SUMF2: variants seen among roughly 807,000 people sequenced by gnomAD.
SUMF2 encodes the protein sulfatase modifying factor 2.
A neutral mutation model predicts 44.8 loss-of-function variants in SUMF2; 45 were observed. That is an observed-to-expected ratio of 1.00 (90% CI 0.79 to 1.29). SUMF2 has a LOEUF of 1.29. SUMF2 is among the 50% of genes most tolerant of loss of function. The pLI is 0.00. For synonymous variants in SUMF2, 148 were observed against 150.4 expected, an observed-to-expected ratio of 0.98 and a Z score of 0.12; for missense variants, 418 against 389.9, an observed-to-expected ratio of 1.07 and a Z score of -0.61.
intron 2 of SUMF2, among the ~76,000 whole-genome samples, chr7:56,072,273 A>G (rs970244594): frequency 6.6e-6 from 1 of 151,786 alleles, no homozygotes; most frequent in Non-Finnish European, 1.5e-5. Context: ...AAAAAATACA[A>G]AAATTAGCTG....
downstream of SUMF2, chr7:56,084,377 T>C: frequency 1.8e-6 from 1 of 563,962 alleles, no homozygotes; most frequent in Non-Finnish European, 3.1e-6. Context: ...CCGATTTTTT[T>C]TTTTTTTTTT....
intron 2 of SUMF2, among the ~76,000 whole-genome samples, chr7:56,071,868 T>C (rs1043827581): frequency 1.3e-5 from 2 of 151,810 alleles, no homozygotes; most frequent in Non-Finnish European, 2.9e-5. Context: ...TCCCAGCACT[T>C]TGGGAGGCCG....
chr7:56,081,077 A>T (rs779509806), downstream of SUMF2: 7 of 1,610,122 alleles, frequency 4.3e-6, no homozygotes, highest in Non-Finnish European at 4.2e-6. This position sits in a 1 kb window ranked among gnomAD's most constrained non-coding sequence, Gnocchi z 4.6. Flanking sequence ...TCGGCCAGGG[A>T]GAGGAGCACG....
the SUMF2 span, chr7:56,087,094 GTCA>G: frequency 8.5e-7 from 1 of 1,182,476 alleles, no homozygotes; most frequent in Non-Finnish European, 1.3e-6. Context: ...GGGCACGGGG[GTCA>G]GGGACCGAGG....
At chr7:56,070,922 T>C (rs1225262842) in intron 2 of SUMF2, among the ~76,000 whole-genome samples, 1 of 152,192 alleles carries the variant, frequency 6.6e-6, no homozygotes, top group East Asian at 1.9e-4. Context: ...ACATACTGTA[T>C]GATTCAAGTT....
chr7:56,081,059 A>G (rs1209849872), downstream of SUMF2: 1 of 1,612,062 alleles, frequency 6.2e-7, no homozygotes, highest in African/African-American at 1.3e-5. This position sits in a 1 kb window ranked among gnomAD's most constrained non-coding sequence, Gnocchi z 4.6. Flanking sequence ...GCCCCTCAGT[A>G]GTCCTCCTCG....
At chr7:56,073,343 G>T in intron 3 of SUMF2, 1 of 562,704 alleles carries the variant, frequency 1.8e-6, no homozygotes. Flanking sequence ...AGGATCCAAG[G>T]AACTTGAATC....
intron 3 of SUMF2, 192 bp downstream of exon 3, chr7:56,073,303 T>TAGCTCTTGCCTAAATGTCCAAGTC (rs1234047261): frequency 1.5e-6 from 1 of 650,746 alleles, no homozygotes; most frequent in South Asian, 1.5e-5. Context: ...GAACCCAAGT[T>TAGCTCTTGCCTAAATGTCCAAGTC]AGCTCTTGCC....
At chr7:56,086,275 A>G in the SUMF2 span, among the ~76,000 whole-genome samples, 1 of 152,046 alleles carries the variant, frequency 6.6e-6, no homozygotes, top group Admixed American at 6.6e-5. Flanking sequence ...ATAGCACTGA[A>G]GCCTATACTT....
chr7:56,081,773 G>A, downstream of SUMF2: 2 of 1,588,844 alleles, frequency 1.3e-6, no homozygotes. The surrounding 1 kb of genome is among the most constrained non-coding windows in gnomAD (Gnocchi z 4.6). Flanking sequence ...AGGAGGAGAG[G>A]GGAACCGAGA....
intron 2 of SUMF2, 106 bp downstream of exon 2, chr7:56,068,744 C>A: frequency 7.3e-7 from 1 of 1,370,390 alleles, no homozygotes; most frequent in Non-Finnish European, 9.8e-7. Flanking sequence ...CTCTGTCACC[C>A]AGGTGCTGGA....
chr7:56,081,057 G>C, downstream of SUMF2: 4 of 1,611,970 alleles, frequency 2.5e-6, no homozygotes, highest in South Asian at 4.4e-5. The surrounding 1 kb of genome is among the most constrained non-coding windows in gnomAD (Gnocchi z 4.6). Context: ...CAGCCCCTCA[G>C]TAGTCCTCCT....
At chr7:56,082,236 T>TG, downstream of SUMF2, 1 of 1,613,404 alleles carries the variant, frequency 6.2e-7, no homozygotes, top group Non-Finnish European at 8.5e-7. Context: ...GCCAGGTAAC[T>TG]GGGGGTCCCG....
At chr7:56,079,152 G>A (rs1795799514) in intron 8 of SUMF2, 1 of 496,558 alleles carries the variant, frequency 2.0e-6, no homozygotes, top group Admixed American at 3.5e-5. Context: ...AGGATTACAG[G>A]TGTGAGCCAC....
chr7:56,081,222 G>T (rs368804267), downstream of SUMF2: 5 of 1,613,628 alleles, frequency 3.1e-6, no homozygotes, highest in Non-Finnish European at 4.2e-6. The surrounding 1 kb of genome is among the most constrained non-coding windows in gnomAD (Gnocchi z 4.6). Flanking sequence ...CTCGGATGAC[G>T]ATCTCCCGGG....
At chr7:56,070,801 A>G (rs1296272154) in intron 2 of SUMF2, among the ~76,000 whole-genome samples, 2 of 152,198 alleles carry the variant, frequency 1.3e-5, no homozygotes, top group Non-Finnish European at 1.5e-5. Context: ...TGTCCATACA[A>G]TAAGATACTA....
Position 56,080,141 on chromosome 7 carries a change from C to T in SUMF2, c.*529C>T. On this transcript the variant is annotated 3_prime_UTR_variant, in exon 9 of 9. Transcript: ENST00000434526. ...CAGGCAGACATGTAACTATTTAAAG[C>T]ACAGTTCAGTCCTAAAAGGGTCTGG... 2 of 455,286 alleles carry T rather than the reference C, an allele frequency of 4.4e-6. No homozygotes were observed. Among genetic ancestry groups the T allele is most frequent in the Non-Finnish European group, 7.9e-6 (2 of 254,308 alleles). The allele number at this position is 455,286 out of a possible 1,614,324, so 28.2% of individuals were successfully genotyped here.
In SUMF2 at chr7:56,074,728, G is replaced by C. The variant is rs150224310; in HGVS notation, c.527G>C (p.Gly176Ala). 8 of 1,614,046 alleles carry C rather than the reference G, an allele frequency of 5.0e-6. No homozygotes were observed. The African/African-American group carries it at 1.1e-4, about 22-fold the overall frequency. The stretch of plus-strand genomic sequence containing the variant: ...GAGTGGGAGTTTGCCGCCCGAGGGG[G>C]CTTGAAGGGTATCCAGATGATAAGG... ...EEEWEFAARGGLKGQVYPWGN... is the reference protein window; with the variant it reads ...EEEWEFAARGALKGQVYPWGN... Residue 176 changes from glycine (G) to alanine (A), a missense_variant, in exon 5 of 9, where the codon GGC becomes GCC. Physicochemically the swap from Gly to Ala is moderately conservative, Grantham distance 60. Coordinates refer to ENST00000434526, the MANE Select transcript of SUMF2 (RefSeq NM_015411.4).
At chr7:56,073,140 G>C in intron 3 of SUMF2, 29 bp downstream of exon 3, 1 of 1,552,572 alleles carries the variant, frequency 6.4e-7, no homozygotes, top group Non-Finnish European at 8.9e-7. Context: ...GCAGCTGAGG[G>C]GATAGGAGTG....
Sources: allele counts gnomAD v4.1 joint callset (sites outside exome capture counted in the v4.1 genomes callset), GRCh38; gene constraint gnomAD v4.1.1; non-coding constraint Gnocchi (gnomAD v3.1); transcripts MANE v1.5; gene names NCBI Gene and HGNC (gene_info 2026-07-23, HGNC 2026-07-21).